ISG20: variants seen among roughly 807,000 people sequenced by gnomAD.
ISG20 encodes the protein interferon stimulated exonuclease gene 20.
A neutral mutation model predicts 11.1 loss-of-function variants in ISG20; 8 were observed. The ratio of observed to expected loss-of-function variants is 0.72; its 90% CI spans 0.42 to 1.30. The LOEUF is 1.30. Ranked by LOEUF, ISG20 falls within the 50% of genes most tolerant of loss-of-function variation. ISG20 has a pLI of 0.01. For synonymous variants in ISG20, 110 were observed against 101.7 expected, an observed-to-expected ratio of 1.08 and a Z score of -0.49; for missense variants, 243 against 250.2, an observed-to-expected ratio of 0.97 and a Z score of 0.19.
intron 2 of ISG20, chr15:88,648,412 A>T (rs1029296363): frequency 1.3e-5 from 2 of 152,226 alleles, no homozygotes; most frequent in African/African-American, 2.4e-5. Flanking sequence ...ACATCTGGGA[A>T]ATACTTGGAG....
rs977783578 is a variant in ISG20 at position 88,643,171 on chromosome 15, G to T, written c.228+3577G>T. On this transcript the variant is annotated intron_variant, in intron 2 of 3. Coordinates refer to ENST00000306072, the MANE Select transcript of ISG20 (RefSeq NM_002201.6). This position sits in a 1 kb window ranked among gnomAD's most constrained non-coding sequence, Gnocchi z 4.4. ...TATTGCTTGAGCCCAGGAGTTTGAG[G>T]CTGTACTGAGCTATGATCATGCCAC... Among the ~76,000 whole-genome samples the T allele has an allele frequency of 2.0e-5, 3 of 152,072 alleles. No individual in the cohort carries two copies. The highest frequency in any genetic ancestry group is 1.3e-4 in the Admixed American group (2 of 15,276).
chr15:88,652,267 C>T lies in ISG20; in HGVS notation c.386C>T (p.Ser129Phe), dbSNP rs774356172. The T allele has an allele frequency of 1.2e-6, 2 of 1,613,598 alleles. No individual in the cohort carries two copies. The highest frequency in any genetic ancestry group is 1.3e-5 in the African/African-American group (1 of 74,882). Residue 129 changes from serine (S) to phenylalanine (F), a missense_variant, in exon 3 of 4, where the codon TCC (serine) becomes TTC (phenylalanine). By Grantham distance (155) the Ser-to-Phe change is radical. Transcript: ENST00000306072. The stretch of plus-strand genomic sequence containing the variant: ...AAGCTGGACCACTGCAGGCGTGTCT[C>T]CCTGCGGGTGCTGAGTGAGCGCCTC... ...EAKLDHCRRVSLRVLSERLLH... is the reference protein window; with the variant it reads ...EAKLDHCRRVFLRVLSERLLH...
At chr15:88,640,690 G>A (rs1410437780) in intron 2 of ISG20, among the ~76,000 whole-genome samples, 2 of 152,192 alleles carry the variant, frequency 1.3e-5, no homozygotes, top group African/African-American at 4.8e-5. Context: ...TTGGCTGGGT[G>A]CAGTGGCTCA....
chr15:88,639,296 C>A lies in ISG20; in HGVS notation c.-24-47C>A. On this transcript the variant is annotated intron_variant, in intron 1 of 3. Coordinates refer to ENST00000306072, the MANE Select transcript of ISG20 (RefSeq NM_002201.6). The surrounding 1 kb of genome is among the most constrained non-coding windows in gnomAD (Gnocchi z 4.2). ...GGGGTTGGCTGAGGACACCTGGAGG[C>A]TTGGTTTGCCCAAGCGTGAGACCGC... 7.9e-7 allele frequency: 1 copy of A among 1,263,950 alleles called. No homozygotes were observed. The highest frequency in any genetic ancestry group is 1.4e-5 in the South Asian group (1 of 71,232). 78.3% of individuals were successfully genotyped at this position (1,263,950 alleles called of 1,614,324 possible).
chr15:88,639,673 T>C lies in ISG20; in HGVS notation c.228+79T>C. On this transcript the variant is annotated intron_variant, in intron 2 of 3. Transcript: ENST00000306072. This position sits in a 1 kb window ranked among gnomAD's most constrained non-coding sequence, Gnocchi z 4.2. ...CCTGGCCCCTCTTCCCTGGTGCCCA[T>C]CTGTGACCTGTGACCCCACTTGTAA... 1 of 1,134,632 alleles carries C rather than the reference T, an allele frequency of 8.8e-7. No individual in the cohort carries two copies. The highest frequency in any genetic ancestry group is 1.3e-5 in the South Asian group (1 of 74,472). The allele number at this position is 1,134,632 out of a possible 1,614,324, so 70.3% of individuals were successfully genotyped here. A position where few individuals can be genotyped will look rare whatever the true frequency, so the allele number is the denominator to read the frequency against.
chr15:88,652,692 GAT>G (rs2058307713), intron 3 of ISG20, among the ~76,000 whole-genome samples: 1 of 143,340 alleles, frequency 7.0e-6, no homozygotes, highest in African/African-American at 2.6e-5. Context: ...CTGAGGCATT[GAT>G]GGTAGGTCCT....
chr15:88,637,956 T>C (rs1359001440), upstream of ISG20, among the ~76,000 whole-genome samples: 1 of 152,164 alleles, frequency 6.6e-6, no homozygotes, highest in Non-Finnish European at 1.5e-5. Flanking sequence ...CACCTCAAAT[T>C]TGCATCCAGT....
rs1287351240 is a variant in ISG20 at position 88,656,346 on chromosome 15, G to C, written c.*815G>C. 6.6e-6 allele frequency: 1 copy of C among 152,182 alleles called. No homozygotes were observed. The highest frequency in any genetic ancestry group is 1.5e-5 in the Non-Finnish European group (1 of 68,038). The allele number at this position is 152,182 out of a possible 1,614,324, so 9.4% of individuals were successfully genotyped here. On this transcript the variant is annotated 3_prime_UTR_variant, in exon 4 of 4. Transcript: ENST00000306072. ...TCTGTTTCGGGGCTCGGCTCTCTGAGGGGAGGGCATCCTGTATGGGGAGGA... is the reference window on the plus strand; with the variant it reads ...TCTGTTTCGGGGCTCGGCTCTCTGACGGGAGGGCATCCTGTATGGGGAGGA...
chr15:88,638,672 T>C (rs1455624464), upstream of ISG20: 1 of 153,450 alleles, frequency 6.5e-6, no homozygotes, highest in Non-Finnish European at 1.5e-5. Context: ...TTGTGGGACA[T>C]TCCCTGAGCT....
At chr15:88,647,460 G>C (rs1719162684) in intron 2 of ISG20, 1 of 152,170 alleles carries the variant, frequency 6.6e-6, no homozygotes, top group South Asian at 2.1e-4. Context: ...TCCCTCCCCT[G>C]CCACGCACAC....
chr15:88,639,195 G>C lies in ISG20; in HGVS notation c.-25+119G>C. On this transcript the variant is annotated intron_variant, in intron 1 of 3. Transcript: ENST00000306072. The surrounding 1 kb of genome is among the most constrained non-coding windows in gnomAD (Gnocchi z 4.2). ...ACGGGCAGGGTAAGGCAGGGGATGG[G>C]GGAGGCAAGAGGCCAGCTTCCACTG... is the stretch of plus-strand genomic sequence containing the variant. 2 of 609,576 alleles carry C rather than the reference G, an allele frequency of 3.3e-6. No homozygotes were observed. The highest frequency in any genetic ancestry group is 2.0e-5 in the South Asian group (1 of 50,824). The allele number at this position is 609,576 out of a possible 1,614,324, so 37.8% of individuals were successfully genotyped here.
chr15:88,650,410 T>C lies in ISG20; in HGVS notation c.229-1700T>C. The C allele has an allele frequency of 1.3e-6, 2 of 1,513,002 alleles. No individual in the cohort carries two copies. Among genetic ancestry groups the C allele is most frequent in the Non-Finnish European group, 8.8e-7 (1 of 1,134,534 alleles). 93.7% of individuals were successfully genotyped at this position (1,513,002 alleles called of 1,614,324 possible). A position where few individuals can be genotyped will look rare whatever the true frequency, so the allele number is the denominator to read the frequency against. On this transcript the variant is annotated intron_variant, in intron 2 of 3. Coordinates refer to ENST00000306072, the MANE Select transcript of ISG20 (RefSeq NM_002201.6). This position sits in a 1 kb window ranked among gnomAD's most constrained non-coding sequence, Gnocchi z 4.0. The stretch of plus-strand genomic sequence containing the variant: ...TGGAGTGGTCGTTCACTCTTCTGGC[T>C]CAGTGTGGCAGTGGCAGGCGGGCTC...
Position 88,650,465 on chromosome 15 carries a change from G to T in ISG20, c.229-1645G>T, listed in dbSNP as rs982384294. 6.9e-7 allele frequency: 1 copy of T among 1,447,576 alleles called. No homozygotes were observed. The highest frequency in any genetic ancestry group is 9.1e-7 in the Non-Finnish European group (1 of 1,104,326). 89.7% of individuals were successfully genotyped at this position (1,447,576 alleles called of 1,614,324 possible). On this transcript the variant is annotated intron_variant, in intron 2 of 3. Coordinates refer to ENST00000306072, the MANE Select transcript of ISG20 (RefSeq NM_002201.6). The surrounding 1 kb of genome is among the most constrained non-coding windows in gnomAD (Gnocchi z 4.0). ...TTCATCCCACTGGCTTCAAGGCCTG[G>T]CTTTGCCACTAACTAGCCGTGTGAC...
chr15:88,640,998 A>G (rs1019445518), intron 2 of ISG20, among the ~76,000 whole-genome samples: 17 of 149,638 alleles, frequency 1.1e-4, no homozygotes, highest in African/African-American at 3.8e-4. Flanking sequence ...CTGTTTTATT[A>G]TTATTTTTTT....
upstream of ISG20, among the ~76,000 whole-genome samples, chr15:88,636,994 CAGAA>C (rs200473120): frequency 0.011 from 1,635 of 152,238 alleles, 32 homozygotes; most frequent in African/African-American, 0.037. Context: ...TGGAGGAAGA[CAGAA>C]AGAGCCAGTG....
rs904198974 is a variant in ISG20, at chr15:88,639,446, G to C, written c.80G>C (p.Arg27Pro). 6.2e-7 allele frequency: 1 copy of C among 1,614,142 alleles called. No homozygotes were observed. Among genetic ancestry groups the C allele is most frequent in the African/African-American group, 1.3e-5 (1 of 75,048 alleles). The change falls in exon 2 of 4, where the codon CGT (arginine) becomes CCT (proline). Residue 27 changes from arginine (R) to proline (P), a missense_variant. Arg to Pro is a moderately radical substitution (Grantham distance 103). Coordinates refer to ENST00000306072, the MANE Select transcript of ISG20 (RefSeq NM_002201.6). The surrounding 1 kb of genome is among the most constrained non-coding windows in gnomAD (Gnocchi z 4.2). ...LGPHRESGLARCSLVNVHGAV... is the reference protein window; with the variant it reads ...LGPHRESGLAPCSLVNVHGAV... ...CCCCACCGGGAGAGTGGCCTGGCTC[G>C]TTGCAGCCTCGTGAACGTCCACGGT...
At chr15:88,640,478 T>C (rs2058061774) in intron 2 of ISG20, among the ~76,000 whole-genome samples, 2 of 152,220 alleles carry the variant, frequency 1.3e-5, no homozygotes, top group Non-Finnish European at 2.9e-5. Context: ...CAGGAACTGT[T>C]AACGCAGAGT....
rs996957403 is a variant in ISG20 at position 88,643,880 on chromosome 15, C to T, written c.228+4286C>T. Among the ~76,000 whole-genome samples the T allele has an allele frequency of 6.6e-6, 1 of 152,156 alleles. No individual in the cohort carries two copies. Among genetic ancestry groups the T allele is most frequent in the Admixed American group, 6.5e-5 (1 of 15,274 alleles). On this transcript the variant is annotated intron_variant, in intron 2 of 3. Coordinates refer to ENST00000306072, the MANE Select transcript of ISG20 (RefSeq NM_002201.6). This position sits in a 1 kb window ranked among gnomAD's most constrained non-coding sequence, Gnocchi z 4.4. ...ATTTGCATTATACTTACTGGTTGAG[C>T]ATCCCAAATTTGAAAATCTGAAATT...
At position 88,650,029 on chromosome 15, in the gene ISG20, C is replaced by T. The variant is rs1036766838; in HGVS notation, c.229-2081C>T. On this transcript the variant is annotated intron_variant, in intron 2 of 3. Transcript: ENST00000306072. This position sits in a 1 kb window ranked among gnomAD's most constrained non-coding sequence, Gnocchi z 4.0. The stretch of plus-strand genomic sequence containing the variant: ...ATGTAAAAGGGAACACATGATGTTC[C>T]AGGAGGCCGCTGGCTATCTAGAAGG... 3.5e-6 allele frequency: 2 copies of T among 577,098 alleles called. No individual in the cohort carries two copies. Among genetic ancestry groups the T allele is most frequent in the South Asian group, 2.0e-5 (1 of 49,892 alleles). 35.7% of individuals were successfully genotyped at this position (577,098 alleles called of 1,614,324 possible). A position where few individuals can be genotyped will look rare whatever the true frequency, so the allele number is the denominator to read the frequency against.
Sources: gnomAD v4.1 joint callset for allele counts (sites outside exome capture counted in the v4.1 genomes callset) on GRCh38, gnomAD v4.1.1 for gene constraint, Gnocchi (gnomAD v3.1) non-coding constraint, MANE v1.5 for transcripts, NCBI Gene and HGNC (gene_info 2026-07-23, HGNC 2026-07-21) for gene names.